GAB2: variants seen among roughly 807,000 people sequenced by gnomAD.
The protein encoded by GAB2 is GRB2-associated-binding protein 2.
A neutral mutation model predicts 65.5 loss-of-function variants in GAB2; 26 were observed. The observed-to-expected ratio is 0.40, with a 90% CI of 0.29 to 0.55. The LOEUF is 0.55. Among genes scored for constraint, GAB2 ranks in the 20% least tolerant of loss-of-function variants. GAB2 has a pLI of 0.53. For synonymous variants in GAB2, 321 were observed against 329.6 expected, an observed-to-expected ratio of 0.97 and a Z score of 0.28; for missense variants, 884 against 875.8, an observed-to-expected ratio of 1.01 and a Z score of -0.12.
At chr11:78,360,451 A>G (rs1400097551) in intron 1 of GAB2, among the ~76,000 whole-genome samples, 2 of 151,966 alleles carry the variant, frequency 1.3e-5, no homozygotes, top group African/African-American at 4.8e-5. Context: ...TAATACAGAG[A>G]GTAAATATAC....
intron 2 of GAB2, 93 bp downstream of exon 2, chr11:78,280,508 G>A: frequency 1.9e-6 from 2 of 1,046,568 alleles, no homozygotes; most frequent in South Asian, 3.0e-5. Context: ...TCTTCCAACA[G>A]GAAACCTTAG....
At chr11:78,260,740 G>A (rs1865707518) in intron 2 of GAB2, among the ~76,000 whole-genome samples, 1 of 152,124 alleles carries the variant, frequency 6.6e-6, no homozygotes, top group African/African-American at 2.4e-5. Context: ...CCAAAGTGCT[G>A]GGATTACAGG....
At chr11:78,368,439 G>C (rs1352384887) in intron 1 of GAB2, among the ~76,000 whole-genome samples, 1 of 152,198 alleles carries the variant, frequency 6.6e-6, no homozygotes, top group Non-Finnish European at 1.5e-5. Flanking sequence ...ATTTCCTATA[G>C]TTAAATCACG....
At chr11:78,240,791 G>C (rs912459450) in intron 3 of GAB2, among the ~76,000 whole-genome samples, 4 of 152,116 alleles carry the variant, frequency 2.6e-5, no homozygotes, top group African/African-American at 7.2e-5. Flanking sequence ...ACCAGGGGTA[G>C]AATCACAGCT....
chr11:78,365,792 T>C (rs981619548), intron 1 of GAB2, among the ~76,000 whole-genome samples: 2 of 152,198 alleles, frequency 1.3e-5, no homozygotes, highest in Non-Finnish European at 1.5e-5. Context: ...CAAAAATAAC[T>C]TAAGAAACAC....
At chr11:78,244,629 C>A (rs1464497345) in intron 3 of GAB2, among the ~76,000 whole-genome samples, 1 of 81,496 alleles carries the variant, frequency 1.2e-5, no homozygotes. Context: ...AGTTATCTTT[C>A]AAACGAAGAC....
intron 1 of GAB2, among the ~76,000 whole-genome samples, chr11:78,412,971 G>C (rs915750330): frequency 6.6e-6 from 1 of 152,226 alleles, no homozygotes; most frequent in Non-Finnish European, 1.5e-5. Flanking sequence ...TGACAGATTA[G>C]ATGTGGGATA....
chr11:78,301,491 G>A (rs1867018262), intron 1 of GAB2, among the ~76,000 whole-genome samples: 1 of 152,004 alleles, frequency 6.6e-6, no homozygotes, highest in African/African-American at 2.4e-5. Context: ...CATCAAGCCT[G>A]GCTAATGTTT....
At chr11:78,366,990 A>G (rs931674691) in intron 1 of GAB2, among the ~76,000 whole-genome samples, 2 of 152,136 alleles carry the variant, frequency 1.3e-5, no homozygotes, top group East Asian at 3.9e-4. Context: ...GCAAAAAAAT[A>G]CAAGACAGGT....
chr11:78,413,494 G>A (rs1369733584), intron 1 of GAB2, among the ~76,000 whole-genome samples: 2 of 152,172 alleles, frequency 1.3e-5, no homozygotes, highest in Non-Finnish European at 2.9e-5. Flanking sequence ...ATCATCCTCT[G>A]AGTTTAGTGA....
At chr11:78,235,511 T>A (rs1864958764) in intron 3 of GAB2, among the ~76,000 whole-genome samples, 1 of 152,196 alleles carries the variant, frequency 6.6e-6, no homozygotes, top group African/African-American at 2.4e-5. Flanking sequence ...TATGCTCTGC[T>A]TTCCCTTATA....
intron 2 of GAB2, among the ~76,000 whole-genome samples, chr11:78,261,065 A>ATG (rs1239718466): frequency 7.3e-6 from 1 of 137,210 alleles, no homozygotes; most frequent in Non-Finnish European, 1.5e-5. Context: ...ATATGTATGT[A>ATG]TGTATATATA....
chr11:78,369,375 A>T (rs969959185), intron 1 of GAB2, among the ~76,000 whole-genome samples: 1 of 152,210 alleles, frequency 6.6e-6, no homozygotes, highest in Admixed American at 6.5e-5. Flanking sequence ...TTACTGTAGC[A>T]AAGTTAAAAT....
At position 78,335,138 on chromosome 11, in the gene GAB2, T is replaced by C. The variant is rs537922206; in HGVS notation, c.76-54237A>G. Among the ~76,000 whole-genome samples the C allele has an allele frequency of 4.6e-5, 7 of 152,358 alleles. No homozygotes were observed. In the East Asian group the frequency reaches 1.2e-3, roughly 25 times the overall value. On this transcript the variant is annotated intron_variant, in intron 1 of 9. Coordinates refer to ENST00000361507, the MANE Select transcript of GAB2 (RefSeq NM_080491.3). ...TTGAACTCCTTATATTTTCTGGTTA[T>C]TAATCCCTTGTCAGATGGGCAGTCT...
At chr11:78,246,881 A>G (rs1308821122) in intron 3 of GAB2, among the ~76,000 whole-genome samples, 2 of 152,156 alleles carry the variant, frequency 1.3e-5, no homozygotes, top group African/African-American at 2.4e-5. Context: ...TGGTAGTTCA[A>G]ATCTTCTTTC....
intron 1 of GAB2, among the ~76,000 whole-genome samples, chr11:78,362,081 TAAA>T (rs78438663): frequency 7.1e-6 from 1 of 140,268 alleles, no homozygotes; most frequent in African/African-American, 2.6e-5. Flanking sequence ...TATTATGAAG[TAAA>T]AAAAAAAAAA....
intron 1 of GAB2, among the ~76,000 whole-genome samples, chr11:78,401,730 A>G (rs1028322453): frequency 6.6e-6 from 1 of 152,208 alleles, no homozygotes; most frequent in African/African-American, 2.4e-5. Context: ...GAACACACAC[A>G]TATCACATTT....
chr11:78,278,373 T>C (rs1222250985), intron 2 of GAB2, among the ~76,000 whole-genome samples: 1 of 145,758 alleles, frequency 6.9e-6, no homozygotes, highest in Non-Finnish European at 1.5e-5. Flanking sequence ...CCCAGTCTGC[T>C]TTTTTTTTTG....
intron 1 of GAB2, 109 bp from the exon 2 acceptor site, chr11:78,281,010 G>C (rs1168082694): frequency 3.6e-6 from 3 of 844,264 alleles, no homozygotes; most frequent in Non-Finnish European, 5.6e-6. Context: ...CTGGAGTGCA[G>C]TGGCACAATC....
Sources: allele counts gnomAD v4.1 joint callset (sites outside exome capture counted in the v4.1 genomes callset), GRCh38; gene constraint gnomAD v4.1.1; transcripts MANE v1.5; gene names NCBI Gene and HGNC (gene_info 2026-07-23, HGNC 2026-07-21).